PIK3R3: variants seen among roughly 807,000 people sequenced by gnomAD.
PIK3R3 encodes the protein phosphatidylinositol 3-kinase regulatory subunit gamma.
PIK3R3 carries 64 observed loss-of-function variants against 62.9 expected under a neutral mutation model. The ratio of observed to expected loss-of-function variants is 1.02; its 90% CI spans 0.83 to 1.25. PIK3R3 has a LOEUF of 1.25. Ranked by LOEUF, PIK3R3 falls within the 50% of genes most tolerant of loss-of-function variation. The probability of loss-of-function intolerance (pLI) is 0.00; values close to 1 mark genes in which losing one functional copy is unlikely to be tolerated. For synonymous variants in PIK3R3, 165 were observed against 189.0 expected, an observed-to-expected ratio of 0.87 and a Z score of 1.04; for missense variants, 614 against 561.6, an observed-to-expected ratio of 1.09 and a Z score of -0.94.
Position 46,088,668 on chromosome 1 carries a change from C to G in PIK3R3, c.107-7918G>C, listed in dbSNP as rs971436120. ...CAGAGGATCAACTCAGAAGATCCAG[C>G]ATCAAACTAATAGAAGTTCCAGAAA... On this transcript the variant is annotated intron_variant, in intron 1 of 9. Transcript: ENST00000262741. Among the ~76,000 whole-genome samples, 4 of 152,050 alleles carry G rather than the reference C, an allele frequency of 2.6e-5. 1 individual carries two copies. The highest frequency in any genetic ancestry group is 2.6e-4 in the Admixed American group (4 of 15,262).
At chr1:46,155,330 CA>C in the PIK3R3 span, among the ~76,000 whole-genome samples, 1 of 142,326 alleles carries the variant, frequency 7.0e-6, no homozygotes, top group Non-Finnish European at 1.5e-5. Flanking sequence ...TCAACAACAA[CA>C]AAAAAGAAAA....
chr1:46,172,068 T>C, the PIK3R3 span, among the ~76,000 whole-genome samples: 1 of 152,134 alleles, frequency 6.6e-6, no homozygotes, highest in Non-Finnish European at 1.5e-5. Context: ...GCCCTCCTCC[T>C]GGCATGAACC....
intron 1 of PIK3R3, among the ~76,000 whole-genome samples, chr1:46,129,406 TTTATTTA>T (rs1557640249): frequency 4.4e-3 from 350 of 80,284 alleles, no homozygotes; most frequent in South Asian, 6.4e-3. Context: ...GGGGATTTTA[TTTATTTA>T]TTTATTTATT....
At position 46,046,619 on chromosome 1, in the gene PIK3R3, G is replaced by A. The variant is rs145803544; in HGVS notation, c.948C>T (p.Leu316=). 6.8e-5 allele frequency: 110 copies of A among 1,612,004 alleles called. 1 individual carries two copies. The Admixed American group carries it at 7.2e-4, about 10-fold the overall frequency. Residue 316 remains leucine, a synonymous_variant, in exon 8 of 10, where the codon CTC becomes CTT. Coordinates refer to ENST00000262741, the MANE Select transcript of PIK3R3 (RefSeq NM_003629.4). ...GTTTCTGTCTCACTCCTTTGTGATT[G>A]AGCCATCTGCCAGAGGAAAGACACC... is the stretch of plus-strand genomic sequence containing the variant. ...RKIRDQHLVW[L]NHKGVRQKRL...
At chr1:46,133,754 C>T (rs1222138836), upstream of PIK3R3, among the ~76,000 whole-genome samples, 1 of 151,762 alleles carries the variant, frequency 6.6e-6, no homozygotes, top group East Asian at 1.9e-4. Flanking sequence ...TAACTCCCCA[C>T]GCCTAAAATA....
At chr1:46,096,358 G>T (rs1652121841) in intron 1 of PIK3R3, among the ~76,000 whole-genome samples, 1 of 152,082 alleles carries the variant, frequency 6.6e-6, no homozygotes, top group Admixed American at 6.6e-5. Flanking sequence ...TCTGTAAAAT[G>T]GTTGATTATA....
chr1:46,165,690 A>G, the PIK3R3 span, among the ~76,000 whole-genome samples: 1 of 149,848 alleles, frequency 6.7e-6, no homozygotes, highest in Non-Finnish European at 1.5e-5. Flanking sequence ...TAAGTGGTTC[A>G]GCAGTGTTGA....
At chr1:46,078,178 A>C (rs1650242577) in intron 2 of PIK3R3, among the ~76,000 whole-genome samples, 1 of 152,222 alleles carries the variant, frequency 6.6e-6, no homozygotes, top group Non-Finnish European at 1.5e-5. Context: ...TCAGAACCAC[A>C]TGATCTTAAA....
intron 1 of PIK3R3, among the ~76,000 whole-genome samples, chr1:46,088,140 T>C (rs1346376246): frequency 6.6e-6 from 1 of 152,160 alleles, no homozygotes; most frequent in Non-Finnish European, 1.5e-5. Context: ...ATCTCAACAT[T>C]CTGGGAGGCC....
At position 46,043,354 on chromosome 1, in the gene PIK3R3, C is replaced by T; in HGVS notation, c.*319G>A. 2.6e-6 allele frequency: 1 copy of T among 384,226 alleles called. No individual in the cohort carries two copies. The allele number at this position is 384,226 out of a possible 1,614,324, so 23.8% of individuals were successfully genotyped here. On this transcript the variant is annotated 3_prime_UTR_variant, in exon 10 of 10. Coordinates refer to ENST00000262741, the MANE Select transcript of PIK3R3 (RefSeq NM_003629.4). ...TCAGAGGCTTCCAAATACAACCCCA[C>T]CCGCTATAACCATCAAGCCTAATAT...
chr1:46,122,664 G>A (rs975457727), intron 1 of PIK3R3, among the ~76,000 whole-genome samples: 10 of 151,942 alleles, frequency 6.6e-5, no homozygotes, highest in East Asian at 5.8e-4. Flanking sequence ...CACCGCGCCC[G>A]GCCTATTCAT....
At chr1:46,138,396 AC>A in the PIK3R3 span, among the ~76,000 whole-genome samples, 1 of 152,256 alleles carries the variant, frequency 6.6e-6, no homozygotes, top group African/African-American at 2.4e-5. Flanking sequence ...ATGGTGGCTC[AC>A]GCCCATAATC....
At chr1:46,102,277 G>A (rs1034847627) in intron 1 of PIK3R3, among the ~76,000 whole-genome samples, 4 of 152,212 alleles carry the variant, frequency 2.6e-5, no homozygotes, top group Admixed American at 2.0e-4. Context: ...GAGCCACAGC[G>A]CCCGGCCTGA....
At chr1:46,101,108 G>A (rs1430269232) in intron 1 of PIK3R3, among the ~76,000 whole-genome samples, 1 of 148,018 alleles carries the variant, frequency 6.8e-6, no homozygotes, top group Non-Finnish European at 1.5e-5. Context: ...GAAGGCAGAG[G>A]TTGCAGCAAG....
At chr1:46,057,978 G>C (rs979841721) in intron 6 of PIK3R3, among the ~76,000 whole-genome samples, 6 of 152,206 alleles carry the variant, frequency 3.9e-5, no homozygotes, top group Admixed American at 1.3e-4. Flanking sequence ...CTTCAAGGCA[G>C]CCCCTCCCAT....
At chr1:46,104,081 T>A (rs1170565321) in intron 1 of PIK3R3, among the ~76,000 whole-genome samples, 1 of 151,498 alleles carries the variant, frequency 6.6e-6, no homozygotes, top group East Asian at 1.9e-4. Flanking sequence ...TGCACCACCA[T>A]GCCTGGCTAG....
chr1:46,161,299 T>A, the PIK3R3 span, among the ~76,000 whole-genome samples: 1 of 150,312 alleles, frequency 6.7e-6, no homozygotes, highest in Admixed American at 6.7e-5. Context: ...TGTCTCACTA[T>A]GTTGCCTAGG....
At chr1:46,081,295 A>T (rs967781174) in intron 1 of PIK3R3, among the ~76,000 whole-genome samples, 3 of 152,174 alleles carry the variant, frequency 2.0e-5, no homozygotes, top group African/African-American at 7.2e-5. Context: ...TAAATATGTA[A>T]ATGTCTATAC....
rs779089992 is a variant in PIK3R3 at position 46,077,549 on chromosome 1, T to C, written c.280A>G (p.Thr94Ala). The change falls in exon 3 of 10, where the codon ACA becomes GCA. Residue 94 changes from threonine (T) to alanine (A), a missense_variant. Coordinates refer to ENST00000262741, the MANE Select transcript of PIK3R3 (RefSeq NM_003629.4). ...DGTFLVRDAS[T>A]KMQGDYTLTL... is the part of the protein sequence containing the mutation. ...AAAGTATAATCTCCCTGCATTTTTG[T>C]TGAGGCATCTCGGACCAAGAAGGTC... The C allele has an allele frequency of 1.1e-5, 18 of 1,612,394 alleles. No individual in the cohort carries two copies. The highest frequency in any genetic ancestry group is 1.4e-5 in the Non-Finnish European group (16 of 1,178,558).
Sources: allele counts gnomAD v4.1 joint callset (sites outside exome capture counted in the v4.1 genomes callset), GRCh38; gene constraint gnomAD v4.1.1; transcripts MANE v1.5; gene names NCBI Gene and HGNC (gene_info 2026-07-23, HGNC 2026-07-21).